The following TTLL7 variants were observed in gnomAD, a reference collection of about 807,000 sequenced individuals.
The protein encoded by TTLL7 is tubulin tyrosine ligase like 7, also known as tubulin polyglutamylase TTLL7.
TTLL7 carries 53 observed loss-of-function variants against 120.2 expected under a neutral mutation model. The observed-to-expected ratio is 0.44, with a 90% CI of 0.35 to 0.55. TTLL7 has a LOEUF of 0.55. TTLL7 is among the 20% of genes least tolerant of loss of function. The probability of loss-of-function intolerance (pLI) is 0.00; values close to 1 mark genes in which losing one functional copy is unlikely to be tolerated. For synonymous variants in TTLL7, 353 were observed against 351.7 expected, an observed-to-expected ratio of 1.00 and a Z score of -0.04; for missense variants, 803 against 1,054.7, an observed-to-expected ratio of 0.76 and a Z score of 3.31.
chr1:83,868,907 A>C lies in TTLL7; in HGVS notation c.*1055T>G, dbSNP rs1173826999. 1 of 151,048 alleles carries C rather than the reference A, an allele frequency of 6.6e-6. No homozygotes were observed. Among genetic ancestry groups the C allele is most frequent in the Non-Finnish European group, 1.5e-5 (1 of 67,670 alleles). 9.4% of individuals were successfully genotyped at this position (151,048 alleles called of 1,614,324 possible). ...CTAGTTTACATTTTATTTTTAACCC[A>C]TTGGATTGTCTTCCATTTTATTTAT... On this transcript the variant is annotated 3_prime_UTR_variant, in exon 21 of 21. Transcript: ENST00000260505.
At chr1:83,903,983 A>G in intron 18 of TTLL7, 96 bp downstream of exon 18, 4 of 908,106 alleles carry the variant, frequency 4.4e-6, no homozygotes, top group Non-Finnish European at 7.1e-6. Context: ...GAGTAAACAA[A>G]TGAGCAAATA....
intron 9 of TTLL7, among the ~76,000 whole-genome samples, chr1:83,929,933 T>C (rs778130607): frequency 7.2e-5 from 11 of 152,166 alleles, no homozygotes; most frequent in Non-Finnish European, 1.2e-4. Flanking sequence ...TATGTATATA[T>C]GCTACTAGTC....
Position 83,866,649 on chromosome 1 carries a change from C to T in TTLL7, c.*3313G>A, listed in dbSNP as rs959593842. 1 of 151,870 alleles carries T rather than the reference C, an allele frequency of 6.6e-6. No homozygotes were observed. Among genetic ancestry groups the T allele is most frequent in the Non-Finnish European group, 1.5e-5 (1 of 67,808 alleles). The allele number at this position is 151,870 out of a possible 1,614,324, so 9.4% of individuals were successfully genotyped here. ...CATCTTACCGACAACCAAGGACATT[C>T]AACTATGTTCTAGGCAGAGTTACCA... On this transcript the variant is annotated 3_prime_UTR_variant, in exon 21 of 21. Transcript: ENST00000260505.
chr1:83,967,353 G>A (rs1278328579), intron 1 of TTLL7, among the ~76,000 whole-genome samples: 14 of 152,034 alleles, frequency 9.2e-5, no homozygotes, highest in Non-Finnish European at 1.9e-4. Context: ...AGAATTTCCT[G>A]GAGAATATTA....
At chr1:83,871,414 C>A (rs1197874893) in intron 20 of TTLL7, among the ~76,000 whole-genome samples, 1 of 152,118 alleles carries the variant, frequency 6.6e-6, no homozygotes, top group African/African-American at 2.4e-5. Flanking sequence ...TAAACAAATG[C>A]AAACAACACT....
At chr1:83,920,273 G>A (rs1658527634) in intron 12 of TTLL7, among the ~76,000 whole-genome samples, 1 of 152,056 alleles carries the variant, frequency 6.6e-6, no homozygotes, top group Non-Finnish European at 1.5e-5. Context: ...GGGGAAGAAT[G>A]GTGATTGGGC....
intron 19 of TTLL7, among the ~76,000 whole-genome samples, chr1:83,888,737 T>G (rs1399223171): frequency 6.6e-6 from 1 of 151,486 alleles, no homozygotes; most frequent in Non-Finnish European, 1.5e-5. Context: ...ACAATTCAAG[T>G]AGGAGAGTAA....
At chr1:83,925,887 C>T (rs1002946201) in intron 10 of TTLL7, among the ~76,000 whole-genome samples, 2 of 151,976 alleles carry the variant, frequency 1.3e-5, no homozygotes, top group Middle Eastern at 3.4e-3. Context: ...TTTGGGAGGC[C>T]GAGGCGGTGG....
intron 6 of TTLL7, among the ~76,000 whole-genome samples, chr1:83,943,020 G>C (rs1178441625): frequency 6.6e-6 from 1 of 152,184 alleles, no homozygotes; most frequent in African/African-American, 2.4e-5. Flanking sequence ...CGGTCCTGGA[G>C]GGGGTAGAAT....
intron 1 of TTLL7, among the ~76,000 whole-genome samples, chr1:83,977,733 TATTTAAATTTAA>T (rs1220428645): frequency 6.6e-6 from 1 of 152,182 alleles, no homozygotes; most frequent in Non-Finnish European, 1.5e-5. Context: ...AGCATGCTAC[TATTTAAATTTAA>T]ATTTAAATTT....
chr1:83,885,994 G>A (rs1654942755), intron 19 of TTLL7, among the ~76,000 whole-genome samples: 1 of 151,916 alleles, frequency 6.6e-6, no homozygotes, highest in African/African-American at 2.4e-5. Context: ...AGTTCTTTCT[G>A]GCTCTCCCTA....
intron 18 of TTLL7, among the ~76,000 whole-genome samples, chr1:83,892,930 G>A (rs868636134): frequency 0.035 from 3,329 of 94,872 alleles, 138 homozygotes; most frequent in African/African-American, 0.12. Flanking sequence ...AAGAAAAAGA[G>A]AAAGAAAGAA....
At position 83,966,383 on chromosome 1, in the gene TTLL7, C is replaced by A. The variant is rs144598886; in HGVS notation, c.-176-13996G>T. 7.2e-3 allele frequency among the ~76,000 whole-genome samples: 1,091 copies of A among 152,086 alleles called. 20 individuals are homozygous for A. Among genetic ancestry groups the A allele is most frequent in the African/African-American group, 0.025 (1,044 of 41,488 alleles). On this transcript the variant is annotated intron_variant, in intron 1 of 20. Coordinates refer to ENST00000260505, the MANE Select transcript of TTLL7 (RefSeq NM_024686.6). ...CCTCTGTCTCTCTGTCTCTCTATCT[C>A]CCCCCAACCCCTCTCCATATATATA...
chr1:83,947,900 A>C (rs1648661547), intron 5 of TTLL7, among the ~76,000 whole-genome samples: 1 of 152,040 alleles, frequency 6.6e-6, no homozygotes, highest in South Asian at 2.1e-4. Flanking sequence ...TTATCACTCA[A>C]CTTTCTTAAG....
chr1:83,931,888 A>G (rs1659630490), intron 9 of TTLL7, among the ~76,000 whole-genome samples: 1 of 152,172 alleles, frequency 6.6e-6, no homozygotes, highest in Non-Finnish European at 1.5e-5. Flanking sequence ...AACAATGTAT[A>G]TTAGCCCCAC....
At chr1:83,887,594 A>G (rs1015455828) in intron 19 of TTLL7, among the ~76,000 whole-genome samples, 1 of 152,098 alleles carries the variant, frequency 6.6e-6, no homozygotes, top group Non-Finnish European at 1.5e-5. Context: ...AATCGGTCTC[A>G]AAACTACTCC....
chr1:83,895,507 G>GA (rs573295361), intron 18 of TTLL7, among the ~76,000 whole-genome samples: 2 of 151,938 alleles, frequency 1.3e-5, no homozygotes, highest in Non-Finnish European at 2.9e-5. Flanking sequence ...AATTCTGCAG[G>GA]AAAAAAATGT....
At chr1:83,884,622 G>A (rs1248999940) in intron 19 of TTLL7, among the ~76,000 whole-genome samples, 1 of 150,006 alleles carries the variant, frequency 6.7e-6, no homozygotes, top group Non-Finnish European at 1.5e-5. Flanking sequence ...TAAAATACTG[G>A]TGTTTTTTCC....
At chr1:83,923,200 A>G (rs1276130285) in intron 10 of TTLL7, among the ~76,000 whole-genome samples, 2 of 151,684 alleles carry the variant, frequency 1.3e-5, no homozygotes, top group African/African-American at 4.9e-5. Context: ...TCATATACCA[A>G]TGAATATATT....
Sources: gnomAD v4.1 joint callset for allele counts (sites outside exome capture counted in the v4.1 genomes callset) on GRCh38, gnomAD v4.1.1 for gene constraint, MANE v1.5 for transcripts, NCBI Gene and HGNC (gene_info 2026-07-23, HGNC 2026-07-21) for gene names.